The following SYNC variants were observed in gnomAD, a reference collection of about 807,000 sequenced individuals.
The protein encoded by SYNC is syncoilin.
SYNC carries 38 observed loss-of-function variants against 49.5 expected under a neutral mutation model. The ratio of observed to expected loss-of-function variants is 0.77; its 90% CI spans 0.59 to 1.01. SYNC has a LOEUF of 1.01. SYNC is among the 50% of genes least tolerant of loss of function. The probability of loss-of-function intolerance (pLI) is 0.00; values close to 1 mark genes in which losing one functional copy is unlikely to be tolerated. For missense variants in SYNC, 579 were observed against 580.6 expected, an observed-to-expected ratio of 1.00 and a Z score of 0.03; for synonymous variants, 201 against 230.8, an observed-to-expected ratio of 0.87 and a Z score of 1.17.
chr1:32,679,922 G>A lies in SYNC; in HGVS notation c.*1928C>T. On this transcript the variant is annotated 3_prime_UTR_variant, in exon 5 of 5. Coordinates refer to ENST00000409190, the MANE Select transcript of SYNC (RefSeq NM_030786.3). ...AGACTTAACGTTGAAATTTTCTTCA[G>A]GAATTTTCTAGTAACCCAGGTCTAA... 4 of 1,290,720 alleles carry A rather than the reference G, an allele frequency of 3.1e-6. No individual in the cohort carries two copies. Among genetic ancestry groups the A allele is most frequent in the Non-Finnish European group, 2.9e-6 (3 of 1,022,470 alleles). 80.0% of individuals were successfully genotyped at this position (1,290,720 alleles called of 1,614,324 possible).
chr1:32,687,923 C>T (rs1198619034), intron 2 of SYNC, among the ~76,000 whole-genome samples: 2 of 150,642 alleles, frequency 1.3e-5, no homozygotes, highest in Non-Finnish European at 3.0e-5. Flanking sequence ...CATCTTGGCT[C>T]ACTGCAACCT....
upstream of SYNC, chr1:32,702,774 C>G: frequency 1.4e-5 from 13 of 929,036 alleles, no homozygotes; most frequent in Non-Finnish European, 1.7e-5. The surrounding 1 kb of genome is among the most constrained non-coding windows in gnomAD (Gnocchi z 6.2). Context: ...GGATCCCGGC[C>G]GGCCCCGGGC....
intron 2 of SYNC, among the ~76,000 whole-genome samples, chr1:32,693,984 C>CA: frequency 6.6e-6 from 1 of 152,100 alleles, no homozygotes; most frequent in Non-Finnish European, 1.5e-5. Flanking sequence ...CACCTATAAT[C>CA]CTAGCTCTTT....
chr1:32,699,811 G>GCAA, intron 1 of SYNC, among the ~76,000 whole-genome samples: 1 of 148,840 alleles, frequency 6.7e-6, no homozygotes, highest in Non-Finnish European at 1.5e-5. Flanking sequence ...TCGGCTCACT[G>GCAA]CAACCTCCGG....
chr1:32,691,990 TTGAGAGG>T (rs1473669776), intron 2 of SYNC, among the ~76,000 whole-genome samples: 3 of 152,040 alleles, frequency 2.0e-5, no homozygotes, highest in Non-Finnish European at 4.4e-5. Context: ...TCCCAGCACT[TTGAGAGG>T]CGAGGCGGGC....
chr1:32,699,728 C>CT (rs58903413), intron 1 of SYNC, among the ~76,000 whole-genome samples: 12 of 126,016 alleles, frequency 9.5e-5, no homozygotes, highest in Admixed American at 1.6e-4. Context: ...CCAAACATAC[C>CT]TTTTTTTTTT....
chr1:32,683,845 CTGG>C, intron 4 of SYNC, 162 bp downstream of exon 4: 1 of 625,970 alleles, frequency 1.6e-6, no homozygotes, highest in Admixed American at 2.6e-5. Context: ...GTTGGCCAGG[CTGG>C]TCTTGAACTC....
At position 32,683,929 on chromosome 1, in the gene SYNC, G is replaced by A. The variant is rs752784102; in HGVS notation, c.1438+81C>T. On this transcript the variant is annotated intron_variant, in intron 4 of 4. Coordinates refer to ENST00000409190, the MANE Select transcript of SYNC (RefSeq NM_030786.3). ...ATTACAGGCGTGAGCCACCCCGTCC[G>A]GCCTGTTTTTAAGGCATTAATTAGT... The A allele has an allele frequency of 1.6e-5, 23 of 1,421,306 alleles. No homozygotes were observed. The East Asian group carries it at 3.9e-4, about 24-fold the overall frequency. 88.0% of individuals were successfully genotyped at this position (1,421,306 alleles called of 1,614,324 possible).
chr1:32,700,591 G>A (rs1650628251), intron 1 of SYNC, among the ~76,000 whole-genome samples: 1 of 152,186 alleles, frequency 6.6e-6, no homozygotes, highest in Admixed American at 6.5e-5. Flanking sequence ...TAGCTACTCA[G>A]GAGGCTGAAG....
chr1:32,699,415 A>C (rs1341857024), intron 1 of SYNC, among the ~76,000 whole-genome samples: 5 of 151,944 alleles, frequency 3.3e-5, no homozygotes, highest in Non-Finnish European at 5.9e-5. Flanking sequence ...ATGGCCTCCC[A>C]AAGTGCTGGG....
chr1:32,692,687 A>G (rs1650220724), intron 2 of SYNC, among the ~76,000 whole-genome samples: 1 of 152,130 alleles, frequency 6.6e-6, no homozygotes, highest in South Asian at 2.1e-4. Context: ...CAGAGGTTGC[A>G]GTGAGCTGAG....
At chr1:32,697,906 A>G (rs1303379935) in intron 1 of SYNC, among the ~76,000 whole-genome samples, 1 of 151,908 alleles carries the variant, frequency 6.6e-6, no homozygotes, top group Non-Finnish European at 1.5e-5. Flanking sequence ...CCCAAGAGCT[A>G]GAAATTGGGA....
intron 2 of SYNC, among the ~76,000 whole-genome samples, chr1:32,687,112 C>T (rs1264021810): frequency 6.6e-6 from 1 of 152,150 alleles, no homozygotes; most frequent in Non-Finnish European, 1.5e-5. Context: ...GTAATCTCAG[C>T]ATTTTGGGAG....
chr1:32,683,930 G>T, intron 4 of SYNC, 80 bp downstream of exon 4: 1 of 1,438,550 alleles, frequency 7.0e-7, no homozygotes, highest in African/African-American at 1.4e-5. Flanking sequence ...ACCCCGTCCG[G>T]CCTGTTTTTA....
chr1:32,684,551 GA>G, intron 2 of SYNC, 169 bp from the exon 3 acceptor site: 10 of 943,854 alleles, frequency 1.1e-5, no homozygotes, highest in South Asian at 3.6e-5. Flanking sequence ...TTGTGTCTTG[GA>G]AAAAAAGTGA....
rs756902412 is a variant in SYNC at position 32,695,045 on chromosome 1, T to C, written c.1053A>G (p.Leu351=). The C allele has an allele frequency of 2.7e-5, 43 of 1,613,664 alleles. No homozygotes were observed. In the East Asian group the frequency reaches 2.7e-4, roughly 10 times the overall value. Residue 351 remains leucine, a synonymous_variant, in exon 2 of 5, where the codon CTA becomes CTG. Transcript: ENST00000409190. Reference sequence around the variant, plus strand: ...CTTTGGTCCCAGCTTCTTTCCTCTCTAGGAGCCGCAGGAACTGAGGCTCAT... The same window carrying C: ...CTTTGGTCCCAGCTTCTTTCCTCTCCAGGAGCCGCAGGAACTGAGGCTCAT... The part of the protein sequence containing the change: ...EEYEPQFLRL[L]ERKEAGTKAL...
At chr1:32,684,540 G>T in intron 2 of SYNC, 158 bp from the exon 3 acceptor site, 1 of 1,090,906 alleles carries the variant, frequency 9.2e-7, no homozygotes, top group Non-Finnish European at 1.3e-6. Context: ...GTTCAAAGAA[G>T]TTGTGTCTTG....
chr1:32,684,445 C>G, intron 2 of SYNC, 63 bp from the exon 3 acceptor site: 1 of 1,606,908 alleles, frequency 6.2e-7, no homozygotes, highest in Non-Finnish European at 8.5e-7. Context: ...ATTGTCCACT[C>G]TTACTTATAA....
intron 2 of SYNC, among the ~76,000 whole-genome samples, chr1:32,689,448 C>G (rs745556778): frequency 5.9e-5 from 9 of 151,378 alleles, no homozygotes; most frequent in Non-Finnish European, 1.2e-4. Flanking sequence ...ACCATCTTGG[C>G]CAGGCTGGTC....
Sources: allele counts gnomAD v4.1 joint callset (sites outside exome capture counted in the v4.1 genomes callset), GRCh38; gene constraint gnomAD v4.1.1; non-coding constraint Gnocchi (gnomAD v3.1); transcripts MANE v1.5; gene names NCBI Gene and HGNC (gene_info 2026-07-23, HGNC 2026-07-21).